The following NTRK2 variants were observed in gnomAD, a reference collection of about 807,000 sequenced individuals.
NTRK2 encodes BDNF/NT-3 growth factors receptor.
NTRK2 carries 13 observed loss-of-function variants against 94.5 expected under a neutral mutation model. The observed-to-expected ratio is 0.14, with a 90% CI of 0.09 to 0.22. NTRK2 has a LOEUF of 0.22. Among genes scored for constraint, NTRK2 ranks in the 10% least tolerant of loss-of-function variants. The probability of loss-of-function intolerance (pLI) is 1.00; values close to 1 mark genes in which losing one functional copy is unlikely to be tolerated. For synonymous variants in NTRK2, 372 were observed against 407.4 expected, an observed-to-expected ratio of 0.91 and a Z score of 1.05; for missense variants, 639 against 1,071.2, an observed-to-expected ratio of 0.60 and a Z score of 5.63.
In NTRK2 at chr9:84,671,056, T is replaced by A. The variant is rs1354641817; in HGVS notation, c.212+96T>A. On this transcript the variant is annotated intron_variant, in intron 2 of 18. Coordinates refer to ENST00000277120, the MANE Select transcript of NTRK2 (RefSeq NM_006180.6). ...CTGGAAGTGAATGCTGTCCCAAGAG[T>A]GGGGAGAAGTCAAAGACAAGGGATG... The A allele has an allele frequency of 4.3e-6, 5 of 1,168,344 alleles. No homozygotes were observed. The South Asian group carries it at 5.2e-5, about 12-fold the overall frequency. 72.4% of individuals were successfully genotyped at this position (1,168,344 alleles called of 1,614,324 possible).
intron 17 of NTRK2, among the ~76,000 whole-genome samples, chr9:84,978,353 G>A (rs1349748227): frequency 6.6e-6 from 1 of 152,182 alleles, no homozygotes; most frequent in Non-Finnish European, 1.5e-5. Flanking sequence ...CTGATAGGGA[G>A]AAAGCTTCAG....
At position 85,024,458 on chromosome 9, in the gene NTRK2, T is replaced by A. The variant is rs1164328927; in HGVS notation, c.*3021T>A. The A allele has an allele frequency of 4.3e-6, 1 of 232,934 alleles. No individual in the cohort carries two copies. Among genetic ancestry groups the A allele is most frequent in the Non-Finnish European group, 8.5e-6 (1 of 117,916 alleles). 14.4% of individuals were successfully genotyped at this position (232,934 alleles called of 1,614,324 possible). A position where few individuals can be genotyped will look rare whatever the true frequency, so the allele number is the denominator to read the frequency against. On this transcript the variant is annotated 3_prime_UTR_variant, in exon 19 of 19. Coordinates refer to ENST00000277120, the MANE Select transcript of NTRK2 (RefSeq NM_006180.6). Reference sequence around the variant, plus strand: ...AATAGTTTTCCAAACACTTTCCATGTGTGTTAGCAAATTATTCCTATTTTG... The same window carrying A: ...AATAGTTTTCCAAACACTTTCCATGAGTGTTAGCAAATTATTCCTATTTTG...
intron 12 of NTRK2, among the ~76,000 whole-genome samples, chr9:84,801,495 C>T (rs548663916): frequency 6.6e-6 from 1 of 152,110 alleles, no homozygotes; most frequent in East Asian, 1.9e-4. Flanking sequence ...GAAAGTGGTT[C>T]GGTATTCTCC....
chr9:84,761,685 T>A (rs2065580592), intron 12 of NTRK2, among the ~76,000 whole-genome samples: 1 of 152,212 alleles, frequency 6.6e-6, no homozygotes. Context: ...ACTGTTGACA[T>A]ATGAAATACT....
chr9:84,975,941 A>G (rs2133183532), intron 17 of NTRK2, among the ~76,000 whole-genome samples: 1 of 152,298 alleles, frequency 6.6e-6, no homozygotes, highest in East Asian at 1.9e-4. Context: ...CTGAAGGGAC[A>G]AGGGGAAGGA....
intron 15 of NTRK2, among the ~76,000 whole-genome samples, chr9:84,944,903 T>C (rs979812369): frequency 2.0e-5 from 3 of 152,242 alleles, no homozygotes; most frequent in Non-Finnish European, 4.4e-5. Flanking sequence ...ATTATCCTTG[T>C]GTCCCTGTGG....
At chr9:84,989,096 A>G (rs901131750) in intron 17 of NTRK2, among the ~76,000 whole-genome samples, 16 of 152,244 alleles carry the variant, frequency 1.1e-4, no homozygotes, top group African/African-American at 3.6e-4. Flanking sequence ...GCTACTGAGC[A>G]GCAAATCACC....
chr9:84,820,833 A>G (rs1257210886), intron 12 of NTRK2, among the ~76,000 whole-genome samples: 1 of 152,208 alleles, frequency 6.6e-6, no homozygotes, highest in Non-Finnish European at 1.5e-5. Context: ...TGTGTATAAT[A>G]TTGATACTAT....
At chr9:84,692,468 C>CTTTTTTTTTTTTTTTT (rs71369138) in intron 2 of NTRK2, among the ~76,000 whole-genome samples, 263 of 87,340 alleles carry the variant, frequency 3.0e-3, no homozygotes, top group East Asian at 4.2e-3. Context: ...TTCTTTTTTT[C>CTTTTTTTTTTTTTTTT]TTTTTTTTTT....
In NTRK2 at chr9:84,670,588, C is replaced by T; in HGVS notation, c.-161C>T. 1.4e-6 allele frequency: 1 copy of T among 736,778 alleles called. No individual in the cohort carries two copies. The highest frequency in any genetic ancestry group is 2.3e-6 in the Non-Finnish European group (1 of 427,582). The allele number at this position is 736,778 out of a possible 1,614,324, so 45.6% of individuals were successfully genotyped here. On this transcript the variant is annotated 5_prime_UTR_variant, in exon 2 of 19. Transcript: ENST00000277120. ...CCGCCTGCCGGAACACTCTTCGCTCCGGACCAGCTCAGCCTCTGATAAGCT... is the reference window on the plus strand; with the variant it reads ...CCGCCTGCCGGAACACTCTTCGCTCTGGACCAGCTCAGCCTCTGATAAGCT...
At chr9:84,747,447 A>C (rs2132421790) in intron 11 of NTRK2, among the ~76,000 whole-genome samples, 1 of 150,066 alleles carries the variant, frequency 6.7e-6, no homozygotes, top group South Asian at 2.1e-4. Flanking sequence ...ATTACACAAA[A>C]TTATATGTTG....
chr9:84,771,270 G>GT lies in NTRK2; in HGVS notation c.1396+19186dup, dbSNP rs565631443. On this transcript the variant is annotated intron_variant, in intron 12 of 18. Coordinates refer to ENST00000277120, the MANE Select transcript of NTRK2 (RefSeq NM_006180.6). ...TTTCTTTCGTGGCTCTCCCTTTGAG[G>GT]TGGTCACGCTCGGTCCTGTGACTAT... 4.6e-4 allele frequency among the ~76,000 whole-genome samples: 70 copies of GT among 152,262 alleles called. No individual in the cohort carries two copies. In the South Asian group the frequency reaches 0.015, roughly 32 times the overall value.
Position 85,022,715 on chromosome 9 carries a change from A to C in NTRK2, c.*1278A>C, listed in dbSNP as rs1832843969. 2.1e-5 allele frequency: 5 copies of C among 233,154 alleles called. No homozygotes were observed. In the Admixed American group the frequency reaches 2.8e-4, roughly 13 times the overall value. The allele number at this position is 233,154 out of a possible 1,614,324, so 14.4% of individuals were successfully genotyped here. The stretch of plus-strand genomic sequence containing the variant: ...CTGATAGGTAGAGCAGATCCATAAA[A>C]AGGTATGACTTATACAATTAGGGGA... On this transcript the variant is annotated 3_prime_UTR_variant, in exon 19 of 19. Transcript: ENST00000277120.
chr9:84,876,393 C>T (rs2076068045), intron 14 of NTRK2: 1 of 1,053,660 alleles, frequency 9.5e-7, no homozygotes, highest in Non-Finnish European at 1.1e-6. Flanking sequence ...CTTTTCAGAT[C>T]CATTTATGTT....
At chr9:84,774,393 T>C (rs2066837532) in intron 12 of NTRK2, among the ~76,000 whole-genome samples, 1 of 152,208 alleles carries the variant, frequency 6.6e-6, no homozygotes, top group African/African-American at 2.4e-5. Flanking sequence ...TGTCTGGCAC[T>C]TCATGTACTT....
chr9:84,916,749 GA>G (rs761516210), intron 14 of NTRK2, among the ~76,000 whole-genome samples: 2 of 151,332 alleles, frequency 1.3e-5, no homozygotes, highest in African/African-American at 2.4e-5. Context: ...AAGTGGCAGA[GA>G]AAAAAAAATC....
At chr9:84,690,432 C>T (rs994748957) in intron 2 of NTRK2, among the ~76,000 whole-genome samples, 1 of 152,058 alleles carries the variant, frequency 6.6e-6, no homozygotes, top group Non-Finnish European at 1.5e-5. Context: ...TTTTAGAATT[C>T]TTACAGTCCA....
At chr9:84,822,741 G>T (rs1008576194) in intron 12 of NTRK2, among the ~76,000 whole-genome samples, 12 of 152,154 alleles carry the variant, frequency 7.9e-5, no homozygotes, top group Non-Finnish European at 1.3e-4. Flanking sequence ...TCCCAGGAGG[G>T]TTCTGCCTTT....
intron 2 of NTRK2, among the ~76,000 whole-genome samples, chr9:84,697,016 G>A (rs1056114833): frequency 6.6e-6 from 1 of 152,182 alleles, no homozygotes; most frequent in Non-Finnish European, 1.5e-5. Flanking sequence ...GATGGTTGAA[G>A]GCCACCAATG....
Sources: allele counts gnomAD v4.1 joint callset (sites outside exome capture counted in the v4.1 genomes callset), GRCh38; gene constraint gnomAD v4.1.1; transcripts MANE v1.5; gene names NCBI Gene and HGNC (gene_info 2026-07-23, HGNC 2026-07-21).